The following UNC5CL variants were observed in gnomAD, a reference collection of about 807,000 sequenced individuals.
UNC5CL encodes the protein unc-5 family C-terminal like.
In UNC5CL, 42 loss-of-function variants were observed where a neutral mutation model predicts 54.1. The ratio of observed to expected loss-of-function variants is 0.78; its 90% CI spans 0.61 to 1.00. The LOEUF (loss-of-function observed/expected upper bound fraction) is 1.00, where lower values mean the gene tolerates loss of function less well. UNC5CL is among the 50% of genes least tolerant of loss of function. The probability of loss-of-function intolerance (pLI) is 0.00; values close to 1 mark genes in which losing one functional copy is unlikely to be tolerated. For missense variants in UNC5CL, 619 were observed against 675.6 expected (o/e 0.92, Z 0.93); for synonymous variants, 285 against 285.1 (o/e 1.00, Z 0.00).
rs1021320744 is a variant in UNC5CL at position 41,027,804 on chromosome 6, T to A, written c.*569A>T. On this transcript the variant is annotated 3_prime_UTR_variant, in exon 9 of 9. Coordinates refer to ENST00000244565, the MANE Select transcript of UNC5CL (RefSeq NM_173561.3). ...ATCAAATCCTCTCTCCCCAACATCC[T>A]CCGTGAAGCATTCTCGCTGCTCCAG... 6.6e-6 allele frequency: 1 copy of A among 152,578 alleles called. No individual in the cohort carries two copies. The highest frequency in any genetic ancestry group is 1.5e-5 in the Non-Finnish European group (1 of 68,288). 9.5% of individuals were successfully genotyped at this position (152,578 alleles called of 1,614,324 possible). A position where few individuals can be genotyped will look rare whatever the true frequency, so the allele number is the denominator to read the frequency against.
rs2114009517 is a variant in UNC5CL, at chr6:41,033,912, C to CA, written c.654_655insT (p.Asp219Ter). 1 of 1,613,834 alleles carries CA rather than the reference C, an allele frequency of 6.2e-7. No individual in the cohort carries two copies. The highest frequency in any genetic ancestry group is 8.5e-7 in the Non-Finnish European group (1 of 1,179,854). ...TGGGAGAGGTGGATGCGACACTCAT[C>CA]CCGGGAGGCGTGGGCCCCCGGCCGC... On this transcript the variant is annotated frameshift_variant, in exon 3 of 9. Transcript: ENST00000244565. LOFTEE classifies it high-confidence loss of function.
intron 4 of UNC5CL, 87 bp downstream of exon 4, chr6:41,032,797 A>G: frequency 6.9e-7 from 1 of 1,446,342 alleles, no homozygotes; most frequent in Non-Finnish European, 9.1e-7. Context: ...GGATCCCCAG[A>G]TCTCCAGATG....
chr6:41,034,742 G>A lies in UNC5CL; in HGVS notation c.333C>T (p.Arg111=), dbSNP rs113708717. 57 of 1,610,660 alleles carry A rather than the reference G, an allele frequency of 3.5e-5. 1 individual carries two copies. Among genetic ancestry groups the A allele is most frequent in the African/African-American group, 2.0e-4 (15 of 75,038 alleles). The change falls in exon 2 of 9, where the codon CGC becomes CGT. Residue 111 remains arginine, a synonymous_variant. Coordinates refer to ENST00000244565, the MANE Select transcript of UNC5CL (RefSeq NM_173561.3). The part of the protein sequence containing the change: ...LVFSAREVDH[R]GGCLMLQDTG... ...TATCCTGGAGCATCAGGCAACCGCCGCGGTGATCCACCTCTCGAGCCGAAA... is the reference window on the plus strand; with the variant it reads ...TATCCTGGAGCATCAGGCAACCGCCACGGTGATCCACCTCTCGAGCCGAAA...
chr6:41,035,152 G>C lies in UNC5CL; in HGVS notation c.-61-17C>G. 2.7e-6 allele frequency: 4 copies of C among 1,497,354 alleles called. No homozygotes were observed. Among genetic ancestry groups the C allele is most frequent in the African/African-American group, 1.4e-5 (1 of 71,634 alleles). 92.8% of individuals were successfully genotyped at this position (1,497,354 alleles called of 1,614,324 possible). On this transcript the variant is annotated splice_polypyrimidine_tract_variant and intron_variant, in intron 1 of 8. Coordinates refer to ENST00000244565, the MANE Select transcript of UNC5CL (RefSeq NM_173561.3). ...GCCAAAGGCCTGGTGGGGAAGAAGG[G>C]GTCAGTGTCAGGGTAAGCCCTTTTA...
intron 1 of UNC5CL, among the ~76,000 whole-genome samples, chr6:41,035,427 T>G (rs1045049613): frequency 1.3e-5 from 2 of 152,228 alleles, no homozygotes; most frequent in African/African-American, 2.4e-5. Flanking sequence ...CATATTGATG[T>G]AAGGCAGGAG....
intron 1 of UNC5CL, among the ~76,000 whole-genome samples, chr6:41,036,594 G>C (rs1399002191): frequency 6.6e-6 from 1 of 152,170 alleles, no homozygotes; most frequent in Non-Finnish European, 1.5e-5. Flanking sequence ...TAATGGTGAG[G>C]ATGGCATAAG....
In UNC5CL at chr6:41,029,157, C is replaced by T. The variant is rs1424908495; in HGVS notation, c.1335-562G>A. Among the ~76,000 whole-genome samples, 1 of 152,154 alleles carries T rather than the reference C, an allele frequency of 6.6e-6. No homozygotes were observed. The highest frequency in any genetic ancestry group is 1.5e-5 in the Non-Finnish European group (1 of 68,042). ...CACCTGGCCTTGCCCTGTCTTTATG[C>T]TTTCTCTCCTTTCTCCCATCCTGAA... On this transcript the variant is annotated intron_variant, in intron 8 of 8. Transcript: ENST00000244565. The surrounding 1 kb of genome is among the most constrained non-coding windows in gnomAD (Gnocchi z 4.1).
At chr6:41,035,416 T>C (rs2114011033) in intron 1 of UNC5CL, among the ~76,000 whole-genome samples, 1 of 152,286 alleles carries the variant, frequency 6.6e-6, no homozygotes, top group East Asian at 1.9e-4. Flanking sequence ...GGTAAACTTA[T>C]CATATTGATG....
rs1452909108 is a variant in UNC5CL at position 41,028,094 on chromosome 6, C to G, written c.*279G>C. On this transcript the variant is annotated 3_prime_UTR_variant, in exon 9 of 9. Transcript: ENST00000244565. The surrounding 1 kb of genome is among the most constrained non-coding windows in gnomAD (Gnocchi z 4.3). ...CTAAAGTGCACGCGGGGACCGTGGC[C>G]GTCCCCTGGTCAGTTTGGCAGGCTG... The G allele has an allele frequency of 1.0e-5, 5 of 485,480 alleles. No homozygotes were observed. In the South Asian group the frequency reaches 1.1e-4, roughly 11 times the overall value. 30.1% of individuals were successfully genotyped at this position (485,480 alleles called of 1,614,324 possible).
Position 41,033,993 on chromosome 6 carries a change from G to A in UNC5CL, c.574C>T (p.Arg192Cys), listed in dbSNP as rs559417671. 32 of 1,614,182 alleles carry A rather than the reference G, an allele frequency of 2.0e-5. No homozygotes were observed. The highest frequency in any genetic ancestry group is 6.7e-5 in the East Asian group (3 of 44,876). ...KHCAEQPSHA[R>C]TYSSNTTLLD... ...AGGGTAGTGTTGCTGCTGTAGGTGCGAGCATGGCTGGGCTGCTCGGCACAG... is the reference window on the plus strand; with the variant it reads ...AGGGTAGTGTTGCTGCTGTAGGTGCAAGCATGGCTGGGCTGCTCGGCACAG... Residue 192 changes from arginine to cysteine, a missense_variant, in exon 3 of 9, where the codon CGC (arginine) becomes TGC (cysteine). Coordinates refer to ENST00000244565, the MANE Select transcript of UNC5CL (RefSeq NM_173561.3).
At chr6:41,030,564 A>T in intron 7 of UNC5CL, 63 bp from the exon 8 acceptor site, 1 of 1,609,544 alleles carries the variant, frequency 6.2e-7, no homozygotes, top group South Asian at 1.1e-5. Context: ...TGGTTCTCCC[A>T]TATGCACCCT....
At position 41,034,808 on chromosome 6, in the gene UNC5CL, G is replaced by C. The variant is rs200689526; in HGVS notation, c.267C>G (p.Gly89=). 1.4e-4 allele frequency: 221 copies of C among 1,614,210 alleles called. No individual in the cohort carries two copies. In the East Asian group the frequency reaches 4.8e-3, roughly 35 times the overall value. ...GCATCAACTGGCGGACCATGGTCTG[G>C]CCTTGAGTGGGTGTGTGTAGCTCCT... ...FYQELHTPTQ[G]QTMVRQLMHK... Residue 89 remains glycine (G), a synonymous_variant, in exon 2 of 9, where the codon GGC becomes GGG. Transcript: ENST00000244565.
At position 41,028,187 on chromosome 6, in the gene UNC5CL, C is replaced by G; in HGVS notation, c.*186G>C. ...GCCAGGAGGGGACCCGCACGCGGGA[C>G]AGCTCGCGGCCGGAAGGGCGCGCCT... On this transcript the variant is annotated 3_prime_UTR_variant, in exon 9 of 9. Coordinates refer to ENST00000244565, the MANE Select transcript of UNC5CL (RefSeq NM_173561.3). The surrounding 1 kb of genome is among the most constrained non-coding windows in gnomAD (Gnocchi z 4.3). The G allele has an allele frequency of 1.6e-6, 1 of 637,560 alleles. No individual in the cohort carries two copies. Among genetic ancestry groups the G allele is most frequent in the East Asian group, 3.0e-5 (1 of 33,644 alleles). The allele number at this position is 637,560 out of a possible 1,614,324, so 39.5% of individuals were successfully genotyped here. A position where few individuals can be genotyped will look rare whatever the true frequency, so the allele number is the denominator to read the frequency against.
At position 41,033,810 on chromosome 6, in the gene UNC5CL, G is replaced by A. The variant is rs572384760; in HGVS notation, c.686+71C>T. ...CAGAGAGATGAAGATAAGGCAGACA[G>A]AGAAAGTGGGCAGGAAAGACAGTCC... On this transcript the variant is annotated intron_variant, in intron 3 of 8. Coordinates refer to ENST00000244565, the MANE Select transcript of UNC5CL (RefSeq NM_173561.3). 26 of 1,515,582 alleles carry A rather than the reference G, an allele frequency of 1.7e-5. No individual in the cohort carries two copies. The African/African-American group carries it at 2.5e-4, about 15-fold the overall frequency. 93.9% of individuals were successfully genotyped at this position (1,515,582 alleles called of 1,614,324 possible).
chr6:41,034,578 A>G, intron 2 of UNC5CL, 112 bp downstream of exon 2: 1 of 1,356,652 alleles, frequency 7.4e-7, no homozygotes, highest in Non-Finnish European at 1.0e-6. Context: ...TACTCAAAAT[A>G]TAAACAATTA....
At chr6:41,035,374 G>A (rs889353728) in intron 1 of UNC5CL, among the ~76,000 whole-genome samples, 10 of 152,228 alleles carry the variant, frequency 6.6e-5, no homozygotes, top group African/African-American at 2.4e-4. Context: ...TAGAGAACAT[G>A]AGTTCAAATG....
In UNC5CL at chr6:41,033,144, A is replaced by T; in HGVS notation, c.689T>A (p.Leu230His). 1 of 1,612,166 alleles carries T rather than the reference A, an allele frequency of 6.2e-7. No individual in the cohort carries two copies. The highest frequency in any genetic ancestry group is 8.5e-7 in the Non-Finnish European group (1 of 1,179,234). ...AGGTGCCTCCAGCACACAGGTGTAG[A>T]GGCTGCAGAGGGAGCCAGTGGCAGG... is the stretch of plus-strand genomic sequence containing the variant. ...ECRIHLSHFSLYTCVLEAPVG... is the reference protein window; with the variant it reads ...ECRIHLSHFSHYTCVLEAPVG... Residue 230 changes from leucine to histidine, a missense_variant and splice_region_variant, in exon 4 of 9, where the codon CTC becomes CAC. Transcript: ENST00000244565.
At chr6:41,033,233 G>T in intron 3 of UNC5CL, 87 bp from the exon 4 acceptor site, 3 of 1,479,568 alleles carry the variant, frequency 2.0e-6, no homozygotes, top group East Asian at 2.4e-5. Context: ...CACCTGAGGG[G>T]CCTCTGTGGG....
At chr6:41,033,174 A>G in intron 3 of UNC5CL, 28 bp from the exon 4 acceptor site, 1 of 1,604,954 alleles carries the variant, frequency 6.2e-7, no homozygotes, top group Non-Finnish European at 8.5e-7. Flanking sequence ...GGCAGGCACT[A>G]ATGTGCAGGG....
Sources: gnomAD v4.1 joint callset for allele counts (sites outside exome capture counted in the v4.1 genomes callset) on GRCh38, gnomAD v4.1.1 for gene constraint, Gnocchi (gnomAD v3.1) non-coding constraint, MANE v1.5 for transcripts, NCBI Gene and HGNC (gene_info 2026-07-23, HGNC 2026-07-21) for gene names.